Variants in DAAM1 observed in about 807,000 individuals in gnomAD.
The protein encoded by DAAM1 is dishevelled associated activator of morphogenesis 1.
In DAAM1, 52 loss-of-function variants were observed where a neutral mutation model predicts 130.0. The observed-to-expected ratio is 0.40, with a 90% CI of 0.32 to 0.50. The LOEUF (loss-of-function observed/expected upper bound fraction) is 0.50. Among genes scored for constraint, DAAM1 ranks in the 20% least tolerant of loss-of-function variants. The pLI, the probability that DAAM1 is intolerant of heterozygous loss-of-function variation, is 0.61. For missense variants in DAAM1, 1,134 were observed against 1,303.8 expected (o/e 0.87, Z 2.01); for synonymous variants, 452 against 444.5 (o/e 1.02, Z -0.21).
At chr14:59,286,650 G>A (rs779443495) in intron 2 of DAAM1, among the ~76,000 whole-genome samples, 4 of 152,106 alleles carry the variant, frequency 2.6e-5, no homozygotes, top group Admixed American at 6.5e-5. Context: ...AGACTGTTAC[G>A]AACACCTCTG....
intron 1 of DAAM1, among the ~76,000 whole-genome samples, chr14:59,212,195 A>G (rs1402123029): frequency 2.0e-5 from 3 of 152,204 alleles, no homozygotes; most frequent in Non-Finnish European, 2.9e-5. Flanking sequence ...TGTTTCTACT[A>G]TTTAGGCTTA....
chr14:59,230,925 G>A (rs1352471132), intron 1 of DAAM1, among the ~76,000 whole-genome samples: 1 of 152,098 alleles, frequency 6.6e-6, no homozygotes, highest in Non-Finnish European at 1.5e-5. Context: ...TGTGGGATTC[G>A]TTCCACTATC....
intron 2 of DAAM1, among the ~76,000 whole-genome samples, chr14:59,269,714 G>A (rs191748483): frequency 1.7e-4 from 26 of 152,228 alleles, no homozygotes; most frequent in African/African-American, 5.8e-4. Context: ...AGCCTTCCTC[G>A]GGGAAGTGAC....
chr14:59,192,501 G>C (rs988753136), intron 1 of DAAM1, among the ~76,000 whole-genome samples: 3 of 152,154 alleles, frequency 2.0e-5, no homozygotes, highest in Non-Finnish European at 4.4e-5. Flanking sequence ...CCGTGCTCTG[G>C]TATTTCCAGT....
At chr14:59,252,178 C>T (rs964344087) in intron 1 of DAAM1, among the ~76,000 whole-genome samples, 15 of 152,192 alleles carry the variant, frequency 9.9e-5, no homozygotes, top group East Asian at 5.8e-4. Context: ...TGAAAGCCAG[C>T]GGCCCTGGGT....
chr14:59,263,395 T>G, intron 1 of DAAM1, 46 bp from the exon 2 acceptor site: 1 of 1,538,986 alleles, frequency 6.5e-7, no homozygotes, highest in Non-Finnish European at 8.9e-7. Flanking sequence ...AAAAATCATT[T>G]TATCTGTTCC....
Position 59,355,290 on chromosome 14 carries a change from T to A in DAAM1, c.2482T>A (p.Ser828Thr), listed in dbSNP as rs1566721250. ...AGGGAATGCATATGGATTCAAGATA[T>A]CTAGCCTAAACAAAATTGCTGACAC... ...QRGNAYGFKI[S>T]SLNKIADTKS... The change falls in exon 20 of 25, where the codon TCT becomes ACT. Residue 828 changes from serine to threonine, a missense_variant. By Grantham distance (58) the Ser-to-Thr change is moderately conservative (BLOSUM62 1). Around this residue, in one of 3 missense-constraint regions of DAAM1, gnomAD observed 644 missense variants for 695.9 expected, o/e 0.93. Transcript: ENST00000360909. The A allele has an allele frequency of 6.2e-7, 1 of 1,614,016 alleles. No individual in the cohort carries two copies. The highest frequency in any genetic ancestry group is 8.5e-7 in the Non-Finnish European group (1 of 1,179,988).
intron 1 of DAAM1, among the ~76,000 whole-genome samples, chr14:59,191,515 C>T (rs1291128065): frequency 6.6e-6 from 1 of 152,064 alleles, no homozygotes. Context: ...TTCTGTCATC[C>T]GTGGTAATAT....
intron 10 of DAAM1, 37 bp from the exon 11 acceptor site, chr14:59,326,473 C>T: frequency 6.4e-7 from 1 of 1,555,462 alleles, no homozygotes; most frequent in Non-Finnish European, 8.7e-7. Flanking sequence ...TTAGAAACAA[C>T]TTGAAGATTT....
intron 1 of DAAM1, among the ~76,000 whole-genome samples, chr14:59,195,286 G>C (rs1887853227): frequency 6.6e-6 from 1 of 151,870 alleles, no homozygotes; most frequent in Admixed American, 6.6e-5. Flanking sequence ...TGGGACTACA[G>C]GTGTCCACCA....
intron 17 of DAAM1, among the ~76,000 whole-genome samples, chr14:59,348,082 T>A (rs1344615468): frequency 6.6e-6 from 1 of 152,242 alleles, no homozygotes; most frequent in African/African-American, 2.4e-5. Flanking sequence ...AACACTGTCA[T>A]CTGTATCTAA....
intron 3 of DAAM1, among the ~76,000 whole-genome samples, chr14:59,297,668 G>T (rs990389416): frequency 5.9e-5 from 9 of 152,136 alleles, no homozygotes; most frequent in Admixed American, 1.3e-4. Context: ...AAAAATAAGT[G>T]ACTACAGGAC....
intron 3 of DAAM1, 74 bp downstream of exon 3, chr14:59,291,380 A>G (rs1883734105): frequency 1.7e-6 from 2 of 1,155,220 alleles, no homozygotes; most frequent in Admixed American, 2.2e-5. Flanking sequence ...TTTCACCACT[A>G]GAATTGGACA....
At position 59,255,198 on chromosome 14, in the gene DAAM1, G is replaced by T. The variant is rs183118392; in HGVS notation, c.-37-8243G>T. Among the ~76,000 whole-genome samples, 15 of 152,304 alleles carry T rather than the reference G, an allele frequency of 9.8e-5. No homozygotes were observed. In the South Asian group the frequency reaches 2.7e-3, roughly 27 times the overall value. On this transcript the variant is annotated intron_variant, in intron 1 of 24. Transcript: ENST00000360909. ...CCACCTGCTGGGTGAAGTTCCAGGA[G>T]CCACTCCAAGAAGTGCCCTATTAGA...
At chr14:59,290,961 GTCCACTC>G (rs201340594) in intron 2 of DAAM1, among the ~76,000 whole-genome samples, 2,984 of 152,214 alleles carry the variant, frequency 0.02, 60 homozygotes, top group Non-Finnish European at 0.033. Context: ...TCTGTGCTTG[GTCCACTC>G]TCCCCTGACC....
intron 1 of DAAM1, among the ~76,000 whole-genome samples, chr14:59,213,663 G>A (rs941400482): frequency 2.6e-5 from 4 of 152,218 alleles, no homozygotes; most frequent in Non-Finnish European, 4.4e-5. Context: ...ATAAAGGGTT[G>A]CAGGGTATAC....
At chr14:59,351,709 A>T (rs989272358) in intron 17 of DAAM1, among the ~76,000 whole-genome samples, 1 of 152,082 alleles carries the variant, frequency 6.6e-6, no homozygotes, top group African/African-American at 2.4e-5. Flanking sequence ...TAATTCCAGC[A>T]TCAAATTCTG....
chr14:59,212,798 G>A (rs1487472732), intron 1 of DAAM1, among the ~76,000 whole-genome samples: 1 of 151,992 alleles, frequency 6.6e-6, no homozygotes, highest in African/African-American at 2.4e-5. Flanking sequence ...TATTTCAGAT[G>A]GAATATTGTT....
rs546657481 is a variant in DAAM1, at chr14:59,323,317, G to C, written c.774+92G>C. ...TGTCCCTGAAAGGGGAATGTTACTTGAGATGTCCTCTTGTGGTGATTACTC... is the reference window on the plus strand; with the variant it reads ...TGTCCCTGAAAGGGGAATGTTACTTCAGATGTCCTCTTGTGGTGATTACTC... On this transcript the variant is annotated intron_variant, in intron 6 of 24. Transcript: ENST00000360909. 1.9e-5 allele frequency: 25 copies of C among 1,325,076 alleles called. No individual in the cohort carries two copies. In the Middle Eastern group the frequency reaches 8.1e-4, roughly 43 times the overall value. 82.1% of individuals were successfully genotyped at this position (1,325,076 alleles called of 1,614,324 possible).
Sources: allele counts gnomAD v4.1 joint callset (sites outside exome capture counted in the v4.1 genomes callset), GRCh38; gene constraint gnomAD v4.1.1; regional missense constraint gnomAD v4.1.1; transcripts MANE v1.5; gene names NCBI Gene and HGNC (gene_info 2026-07-23, HGNC 2026-07-21).